Variants in TTLL5 observed in about 807,000 individuals in gnomAD.
TTLL5 encodes tubulin polyglutamylase TTLL5.
TTLL5 carries 132 observed loss-of-function variants against 168.4 expected under a neutral mutation model. The ratio of observed to expected loss-of-function variants is 0.78; its 90% CI spans 0.68 to 0.91. The LOEUF is 0.91. Ranked by LOEUF, TTLL5 falls within the 40% of genes least tolerant of loss-of-function variation. The pLI is 0.00. For synonymous variants in TTLL5, 546 were observed against 558.6 expected (o/e 0.98, Z 0.32); for missense variants, 1,545 against 1,581.5 (o/e 0.98, Z 0.39).
intron 30 of TTLL5, among the ~76,000 whole-genome samples, chr14:75,901,821 A>G (rs1192040181): frequency 2.0e-5 from 3 of 152,338 alleles, no homozygotes; most frequent in African/African-American, 7.2e-5. Flanking sequence ...ATAAACAACT[A>G]TTTATTGAGT....
intron 28 of TTLL5, among the ~76,000 whole-genome samples, chr14:75,834,791 C>T (rs1595121704): frequency 6.6e-6 from 1 of 152,178 alleles, no homozygotes; most frequent in Non-Finnish European, 1.5e-5. Context: ...TTGGGCTGGG[C>T]ACAGTGGCTC....
intron 26 of TTLL5, among the ~76,000 whole-genome samples, chr14:75,783,740 G>A (rs1205271443): frequency 3.9e-5 from 6 of 152,148 alleles, no homozygotes; most frequent in African/African-American, 1.4e-4. Context: ...CTTCTTTTAG[G>A]TACTGGAGAT....
chr14:75,900,929 A>G (rs1483866763), intron 30 of TTLL5, among the ~76,000 whole-genome samples: 2 of 152,214 alleles, frequency 1.3e-5, no homozygotes, highest in Non-Finnish European at 2.9e-5. Flanking sequence ...TCTCCTCACT[A>G]GTACAGAACA....
chr14:75,717,411 A>C (rs1887541058), intron 9 of TTLL5, among the ~76,000 whole-genome samples: 1 of 152,190 alleles, frequency 6.6e-6, no homozygotes, highest in African/African-American at 2.4e-5. Context: ...CACCATGCCC[A>C]GCCAGTTGTT....
chr14:75,707,876 G>A (rs1258643293), intron 9 of TTLL5, among the ~76,000 whole-genome samples, 169 bp downstream of exon 9: 3 of 152,134 alleles, frequency 2.0e-5, no homozygotes, highest in African/African-American at 4.8e-5. Flanking sequence ...TAACATCAAA[G>A]CCAGTATGCC....
At chr14:75,924,712 C>A (rs1420847923) in intron 31 of TTLL5, among the ~76,000 whole-genome samples, 1 of 152,038 alleles carries the variant, frequency 6.6e-6, no homozygotes, top group Non-Finnish European at 1.5e-5. Flanking sequence ...AACCATCCGA[C>A]CTCTCAATCT....
chr14:75,836,261 C>T (rs1422934352), intron 28 of TTLL5, among the ~76,000 whole-genome samples: 4 of 152,046 alleles, frequency 2.6e-5, no homozygotes, highest in African/African-American at 9.7e-5. Flanking sequence ...AACTGGAGGT[C>T]ATTATGTTAA....
At chr14:75,924,916 A>AC (rs1180216949) in intron 31 of TTLL5, among the ~76,000 whole-genome samples, 17 of 135,260 alleles carry the variant, frequency 1.3e-4, no homozygotes, top group South Asian at 4.8e-4. Flanking sequence ...CGGGGGGCTG[A>AC]CCCCCCCACC....
chr14:75,801,246 T>TA (rs1297981973), intron 27 of TTLL5, among the ~76,000 whole-genome samples: 4 of 152,226 alleles, frequency 2.6e-5, no homozygotes, highest in East Asian at 3.9e-4. Flanking sequence ...CCCATGGAGT[T>TA]ACGTTCCCAG....
chr14:75,670,721 G>A (rs1232468674), intron 3 of TTLL5, among the ~76,000 whole-genome samples: 1 of 152,150 alleles, frequency 6.6e-6, no homozygotes, highest in Non-Finnish European at 1.5e-5. Context: ...TTTCTTTGGA[G>A]AAAGGCCTAT....
intron 28 of TTLL5, among the ~76,000 whole-genome samples, chr14:75,853,674 AT>A (rs1418509496): frequency 6.6e-6 from 1 of 152,040 alleles, no homozygotes; most frequent in Admixed American, 6.5e-5. Flanking sequence ...TTAATGAAAG[AT>A]AAGTGAAAAT....
At chr14:75,682,524 G>T (rs77788003) in intron 4 of TTLL5, among the ~76,000 whole-genome samples, 1 of 152,104 alleles carries the variant, frequency 6.6e-6, no homozygotes, top group African/African-American at 2.4e-5. Context: ...AGAATGATTG[G>T]CCTAGCTTGG....
intron 31 of TTLL5, among the ~76,000 whole-genome samples, chr14:75,937,363 T>C (rs1229045409): frequency 6.6e-6 from 1 of 151,634 alleles, no homozygotes; most frequent in Non-Finnish European, 1.5e-5. Context: ...CCTGACCTTG[T>C]GATCTACCCA....
chr14:75,693,303 T>G (rs1476793883), intron 6 of TTLL5, among the ~76,000 whole-genome samples: 1 of 152,026 alleles, frequency 6.6e-6, no homozygotes, highest in Non-Finnish European at 1.5e-5. Context: ...AGAAAGGGAT[T>G]GGAATAGCCT....
At chr14:75,701,196 A>G (rs1286552394) in intron 7 of TTLL5, among the ~76,000 whole-genome samples, 2 of 152,164 alleles carry the variant, frequency 1.3e-5, no homozygotes, top group Non-Finnish European at 2.9e-5. Context: ...ACAAATAACA[A>G]CCTTTTGTTG....
chr14:75,765,836 TG>T (rs1799065474), intron 19 of TTLL5, among the ~76,000 whole-genome samples: 1 of 152,184 alleles, frequency 6.6e-6, no homozygotes, highest in Non-Finnish European at 1.5e-5. Context: ...CCCTCCAGCC[TG>T]GGCAACAGAG....
At chr14:75,736,682 G>T (rs1469979114) in intron 15 of TTLL5, among the ~76,000 whole-genome samples, 1 of 152,146 alleles carries the variant, frequency 6.6e-6, no homozygotes, top group African/African-American at 2.4e-5. Flanking sequence ...ACAATACTTT[G>T]CAGGCCAAGC....
intron 5 of TTLL5, among the ~76,000 whole-genome samples, chr14:75,689,041 G>A (rs1594873432): frequency 6.6e-6 from 1 of 152,214 alleles, no homozygotes; most frequent in Non-Finnish European, 1.5e-5. Flanking sequence ...TGACAGAAGT[G>A]ATTATCGCTT....
chr14:75,855,607 A>C (rs2139908963), intron 28 of TTLL5, among the ~76,000 whole-genome samples: 1 of 152,326 alleles, frequency 6.6e-6, no homozygotes, highest in East Asian at 1.9e-4. Flanking sequence ...GAACTCTGGA[A>C]ATGAGACATC....
Sources: allele counts gnomAD v4.1 joint callset (sites outside exome capture counted in the v4.1 genomes callset), GRCh38; gene constraint gnomAD v4.1.1; transcripts MANE v1.5; gene names NCBI Gene and HGNC (gene_info 2026-07-23, HGNC 2026-07-21).